Variants in RAVER2 observed in about 807,000 individuals in gnomAD.
RAVER2 encodes ribonucleoprotein, PTB binding 2.
RAVER2 carries 46 observed loss-of-function variants against 78.1 expected under a neutral mutation model. The ratio of observed to expected loss-of-function variants is 0.59; its 90% CI spans 0.46 to 0.75. The LOEUF is 0.75. Ranked by LOEUF, RAVER2 falls within the 30% of genes least tolerant of loss-of-function variation. The pLI, the probability that RAVER2 is intolerant of heterozygous loss-of-function variation, is 0.00. For synonymous variants in RAVER2, 311 were observed against 313.3 expected, an observed-to-expected ratio of 0.99 and a Z score of 0.08; for missense variants, 793 against 837.5, an observed-to-expected ratio of 0.95 and a Z score of 0.66.
intron 4 of RAVER2, among the ~76,000 whole-genome samples, chr1:64,783,845 A>G (rs180945418): frequency 5.9e-5 from 9 of 152,352 alleles, no homozygotes; most frequent in African/African-American, 1.9e-4. Flanking sequence ...TAATTAAACT[A>G]AAGAGCTTCT....
At chr1:64,773,556 A>G (rs1029871703) in intron 2 of RAVER2, among the ~76,000 whole-genome samples, 4 of 152,208 alleles carry the variant, frequency 2.6e-5, no homozygotes, top group African/African-American at 7.2e-5. Flanking sequence ...TATATGTGCC[A>G]CATTTTCTTA....
At chr1:64,765,162 C>T (rs1652140279) in intron 1 of RAVER2, among the ~76,000 whole-genome samples, 1 of 152,170 alleles carries the variant, frequency 6.6e-6, no homozygotes, top group South Asian at 2.1e-4. Context: ...GTTGATGGGA[C>T]TGTACACTGG....
chr1:64,817,804 T>C (rs1480181050), intron 11 of RAVER2, among the ~76,000 whole-genome samples: 1 of 151,672 alleles, frequency 6.6e-6, no homozygotes, highest in Non-Finnish European at 1.5e-5. Flanking sequence ...CTAATGTAAA[T>C]GACGAGCTAA....
At chr1:64,787,158 A>G (rs747446159) in intron 4 of RAVER2, among the ~76,000 whole-genome samples, 1 of 152,086 alleles carries the variant, frequency 6.6e-6, no homozygotes, top group Non-Finnish European at 1.5e-5. Context: ...CATTTATTTG[A>G]CATTCTTATT....
intron 5 of RAVER2, 75 bp from the exon 6 acceptor site, chr1:64,802,901 C>A: frequency 1.1e-6 from 1 of 901,036 alleles, no homozygotes; most frequent in Non-Finnish European, 1.7e-6. Context: ...ATTCATTTAC[C>A]CTTTTCGAAG....
chr1:64,777,944 T>G (rs756580579), exon 3 of RAVER2: 3 of 1,614,002 alleles, frequency 1.9e-6, no homozygotes, highest in East Asian at 4.5e-5. Context: ...GCATCAGCAC[T>G]CTTTGCACAA....
At chr1:64,802,936 C>A in intron 5 of RAVER2, 40 bp from the exon 6 acceptor site, 1 of 1,397,634 alleles carries the variant, frequency 7.2e-7, no homozygotes, top group Non-Finnish European at 9.9e-7. Context: ...ATTTTTAATT[C>A]CATATATAAA....
At chr1:64,777,538 G>T in intron 2 of RAVER2, 85 bp from the exon 3 acceptor site, 1 of 1,136,046 alleles carries the variant, frequency 8.8e-7, no homozygotes, top group East Asian at 2.4e-5. Context: ...ATGTTTATGT[G>T]TACCAAGTCA....
At chr1:64,806,438 T>C (rs548637326) in intron 8 of RAVER2, among the ~76,000 whole-genome samples, 1 of 152,222 alleles carries the variant, frequency 6.6e-6, no homozygotes, top group South Asian at 2.1e-4. Context: ...AACCCTTTTA[T>C]TTCTTCCAGA....
At chr1:64,808,326 A>G (rs539076172) in intron 9 of RAVER2, among the ~76,000 whole-genome samples, 42 of 152,220 alleles carry the variant, frequency 2.8e-4, no homozygotes, top group South Asian at 1.2e-3. Flanking sequence ...AAAAAAATCT[A>G]TGTAGTTTCT....
rs1207698872 is a variant in RAVER2, at chr1:64,798,189, T to C, written c.1106-4787T>C. ...ATATGCGGTGTTTGGTTTTTTGTTC[T>C]TGCGATAGTTTACTGAGAATGATGA... On this transcript the variant is annotated intron_variant, in intron 5 of 11. Coordinates refer to ENST00000294428, the Ensembl canonical transcript of RAVER2. 2.2e-5 allele frequency among the ~76,000 whole-genome samples: 3 copies of C among 133,814 alleles called. No individual in the cohort carries two copies. In the Admixed American group the frequency reaches 2.3e-4, roughly 10 times the overall value. 87.8% of individuals were successfully genotyped at this position (133,814 alleles called of 152,430 possible). A position where few individuals can be genotyped will look rare whatever the true frequency, so the allele number is the denominator to read the frequency against.
At chr1:64,798,549 AAGTGT>A (rs1320092147) in intron 5 of RAVER2, among the ~76,000 whole-genome samples, 9 of 152,090 alleles carry the variant, frequency 5.9e-5, no homozygotes, top group Admixed American at 5.9e-4. Flanking sequence ...AACAATGTAA[AAGTGT>A]AGTTTTAAAA....
At chr1:64,831,886 G>A (rs1034025861) in exon 12 of RAVER2, 2 of 152,144 alleles carry the variant, frequency 1.3e-5, no homozygotes, top group African/African-American at 2.4e-5. Flanking sequence ...GCACTCTTAC[G>A]CTACAAGGGC....
chr1:64,760,910 A>G (rs775565639), intron 1 of RAVER2, among the ~76,000 whole-genome samples: 9 of 152,184 alleles, frequency 5.9e-5, no homozygotes, highest in Non-Finnish European at 1.2e-4. Flanking sequence ...ACCACTGTAT[A>G]GTTGTGTTTG....
chr1:64,745,352 G>T lies in RAVER2; in HGVS notation c.180G>T (p.Arg60=), dbSNP rs1651496769. 6.5e-7 allele frequency: 1 copy of T among 1,542,202 alleles called. No homozygotes were observed. The highest frequency in any genetic ancestry group is 2.0e-5 in the Admixed American group (1 of 50,720). Residue 60 remains arginine (R), a synonymous_variant, in exon 1 of 12, where the codon CGG becomes CGT. Transcript: ENST00000294428. The surrounding 1 kb of genome is among the most constrained non-coding windows in gnomAD (Gnocchi z 4.3). The stretch of plus-strand genomic sequence containing the variant: ...AGGAGGTCGCCGCGCGACTGCAGCG[G>T]ATGCAGCGGGAGCTGAGCAACCGCA...
At chr1:64,763,283 C>G (rs371985417) in intron 1 of RAVER2, among the ~76,000 whole-genome samples, 1 of 151,238 alleles carries the variant, frequency 6.6e-6, no homozygotes, top group Non-Finnish European at 1.5e-5. Flanking sequence ...GGCGACAGAG[C>G]GAGACTCCAT....
intron 1 of RAVER2, among the ~76,000 whole-genome samples, chr1:64,750,297 TTTTTC>T (rs929710068): frequency 3.3e-5 from 5 of 151,244 alleles, no homozygotes; most frequent in African/African-American, 4.9e-5. Flanking sequence ...TTCTCTTTTC[TTTTTC>T]TTTTCTTTTT....
intron 11 of RAVER2, chr1:64,815,071 C>T: frequency 3.6e-6 from 1 of 279,354 alleles, no homozygotes; most frequent in Non-Finnish European, 6.5e-6. Context: ...GGTTGGCAAA[C>T]TACAGCCCAT....
intron 11 of RAVER2, among the ~76,000 whole-genome samples, chr1:64,824,649 G>C (rs1230014587): frequency 6.6e-6 from 1 of 152,112 alleles, no homozygotes; most frequent in Non-Finnish European, 1.5e-5. Context: ...ATGTATTTCG[G>C]CTGGGCGGGG....
Sources: gnomAD v4.1 joint callset for allele counts (sites outside exome capture counted in the v4.1 genomes callset) on GRCh38, gnomAD v4.1.1 for gene constraint, Gnocchi (gnomAD v3.1) non-coding constraint, MANE v1.5 for transcripts, NCBI Gene and HGNC (gene_info 2026-07-23, HGNC 2026-07-21) for gene names.